The following PROSER2 variants were observed in gnomAD, a reference collection of about 807,000 sequenced individuals.
PROSER2 encodes proline and serine rich 2, also known as proline and serine-rich protein 2.
In PROSER2, 18 loss-of-function variants were observed where a neutral mutation model predicts 14.6. The observed-to-expected ratio is 1.23, with a 90% CI of 0.85 to 1.83. PROSER2 has a LOEUF of 1.83. Ranked by LOEUF, PROSER2 falls within the 40% of genes most tolerant of loss-of-function variation. The pLI, the probability that PROSER2 is intolerant of heterozygous loss-of-function variation, is 0.00. For synonymous variants in PROSER2, 367 were observed against 286.4 expected (o/e 1.28, Z -2.84); for missense variants, 823 against 629.8 (o/e 1.31, Z -3.28).
At chr10:11,851,450 C>T (rs933686943) in intron 1 of PROSER2, 2 of 152,236 alleles carry the variant, frequency 1.3e-5, no homozygotes, top group African/African-American at 2.4e-5. Flanking sequence ...TAGCTCTTGT[C>T]ACCTCCCCTC....
intron 2 of PROSER2, among the ~76,000 whole-genome samples, chr10:11,858,607 AATCAT>A (rs1301645326): frequency 6.6e-6 from 1 of 152,192 alleles, no homozygotes; most frequent in Non-Finnish European, 1.5e-5. Flanking sequence ...CTCTCTTCAA[AATCAT>A]ATCATATATA....
In PROSER2 at chr10:11,830,145, A is replaced by G. The variant is rs1211720500; in HGVS notation, c.-82+6675A>G. On this transcript the variant is annotated intron_variant, in intron 1 of 3. Coordinates refer to ENST00000277570, the MANE Select transcript of PROSER2 (RefSeq NM_153256.4). This position sits in a 1 kb window ranked among gnomAD's most constrained non-coding sequence, Gnocchi z 4.5. ...GGTGTGAGCCACTGTGCCAGCCACA[A>G]TAGGCAGTTTTTCAGCCCTCCTCTC... is the stretch of plus-strand genomic sequence containing the variant. Among the ~76,000 whole-genome samples, 1 of 152,102 alleles carries G rather than the reference A, an allele frequency of 6.6e-6. No individual in the cohort carries two copies. The highest frequency in any genetic ancestry group is 2.4e-5 in the African/African-American group (1 of 41,426).
At position 11,830,144 on chromosome 10, in the gene PROSER2, A is replaced by G. The variant is rs1833671894; in HGVS notation, c.-82+6674A>G. ...AGGTGTGAGCCACTGTGCCAGCCACAATAGGCAGTTTTTCAGCCCTCCTCT... is the reference window on the plus strand; with the variant it reads ...AGGTGTGAGCCACTGTGCCAGCCACGATAGGCAGTTTTTCAGCCCTCCTCT... On this transcript the variant is annotated intron_variant, in intron 1 of 3. Coordinates refer to ENST00000277570, the MANE Select transcript of PROSER2 (RefSeq NM_153256.4). This position sits in a 1 kb window ranked among gnomAD's most constrained non-coding sequence, Gnocchi z 4.5. Among the ~76,000 whole-genome samples, 1 of 152,088 alleles carries G rather than the reference A, an allele frequency of 6.6e-6. No homozygotes were observed. Among genetic ancestry groups the G allele is most frequent in the Non-Finnish European group, 1.5e-5 (1 of 67,998 alleles).
rs922760986 is a variant in PROSER2 at position 11,856,309 on chromosome 10, A to AC, written c.138+4099dup. Among the ~76,000 whole-genome samples, 12 of 151,588 alleles carry AC rather than the reference A, an allele frequency of 7.9e-5. No homozygotes were observed. The highest frequency in any genetic ancestry group is 2.9e-4 in the African/African-American group (12 of 41,192). On this transcript the variant is annotated intron_variant, in intron 2 of 3. Coordinates refer to ENST00000277570, the MANE Select transcript of PROSER2 (RefSeq NM_153256.4). The surrounding 1 kb of genome is among the most constrained non-coding windows in gnomAD (Gnocchi z 5.3). ...TCCAGGGCTCACCTCGTCTCACAAA[A>AC]CCCCCTGGGTGCACGGCGAGGGCAC... is the stretch of plus-strand genomic sequence containing the variant.
At position 11,845,035 on chromosome 10, in the gene PROSER2, A is replaced by G. The variant is rs76744558; in HGVS notation, c.-81-6962A>G. Reference sequence around the variant, plus strand: ...TGGGGGATTTTTGTTATTACAGACAATCCTACAGTGAATAACATTATAAGG... The same window carrying G: ...TGGGGGATTTTTGTTATTACAGACAGTCCTACAGTGAATAACATTATAAGG... On this transcript the variant is annotated intron_variant, in intron 1 of 3. Coordinates refer to ENST00000277570, the MANE Select transcript of PROSER2 (RefSeq NM_153256.4). Among the ~76,000 whole-genome samples, 1,499 of 152,304 alleles carry G rather than the reference A, an allele frequency of 9.8e-3. 22 individuals are homozygous for G. Among genetic ancestry groups the G allele is most frequent in the African/African-American group, 0.034 (1,428 of 41,566 alleles).
chr10:11,857,948 C>T (rs1401900091), intron 2 of PROSER2, among the ~76,000 whole-genome samples: 2 of 151,784 alleles, frequency 1.3e-5, no homozygotes, highest in Non-Finnish European at 2.9e-5. Context: ...TTTTTTTCCC[C>T]CCCAAGATGG....
At position 11,836,054 on chromosome 10, in the gene PROSER2, C is replaced by T. The variant is rs767257429; in HGVS notation, c.-82+12584C>T. ...GTGGCTTTATTTATTTATCTAGAGA[C>T]AGAGTCTCACTCTGTCGCCCAGGCT... is the stretch of plus-strand genomic sequence containing the variant. On this transcript the variant is annotated intron_variant, in intron 1 of 3. Transcript: ENST00000277570. This position sits in a 1 kb window ranked among gnomAD's most constrained non-coding sequence, Gnocchi z 4.6. Among the ~76,000 whole-genome samples, 9 of 152,090 alleles carry T rather than the reference C, an allele frequency of 5.9e-5. No individual in the cohort carries two copies. The highest frequency in any genetic ancestry group is 1.2e-4 in the Non-Finnish European group (8 of 68,016).
At chr10:11,829,033 C>T (rs570955485) in intron 1 of PROSER2, among the ~76,000 whole-genome samples, 3 of 152,086 alleles carry the variant, frequency 2.0e-5, no homozygotes, top group East Asian at 3.9e-4. Context: ...GTTATTATGC[C>T]GCAAGGGGTT....
chr10:11,862,118 A>G lies in PROSER2; in HGVS notation c.139-4413A>G, dbSNP rs1186438355. On this transcript the variant is annotated intron_variant, in intron 2 of 3. Coordinates refer to ENST00000277570, the MANE Select transcript of PROSER2 (RefSeq NM_153256.4). This position sits in a 1 kb window ranked among gnomAD's most constrained non-coding sequence, Gnocchi z 4.2. The stretch of plus-strand genomic sequence containing the variant: ...CACAGATGCTGCTTCTGGTCCAGAC[A>G]CCACACTTTGAGAACCACACATCTA... Among the ~76,000 whole-genome samples the G allele has an allele frequency of 1.3e-5, 2 of 152,110 alleles. No individual in the cohort carries two copies. The highest frequency in any genetic ancestry group is 2.4e-5 in the African/African-American group (1 of 41,406).
chr10:11,824,325 G>T (rs1833582241), intron 1 of PROSER2, among the ~76,000 whole-genome samples: 3 of 152,170 alleles, frequency 2.0e-5, no homozygotes, highest in Admixed American at 6.5e-5. Flanking sequence ...TTTTAACGGA[G>T]AACATTTTTT....
chr10:11,869,911 G>A lies in PROSER2; in HGVS notation c.813G>A (p.Leu271=). The stretch of plus-strand genomic sequence containing the variant: ...CGGCCCGGGAGCCCCGCAGGACCCT[G>A]TCCAGGGCGGCCGTCAGCGTGCAGG... ...NGAAREPRRT[L]SRAAVSVQER... is the part of the protein sequence containing the mutation. Residue 271 remains leucine (L), a synonymous_variant, in exon 4 of 4, where the codon CTG becomes CTA. Coordinates refer to ENST00000277570, the MANE Select transcript of PROSER2 (RefSeq NM_153256.4). This position sits in a 1 kb window ranked among gnomAD's most constrained non-coding sequence, Gnocchi z 4.4. 6.3e-7 allele frequency: 1 copy of A among 1,577,382 alleles called. No individual in the cohort carries two copies. Among genetic ancestry groups the A allele is most frequent in the South Asian group, 1.2e-5 (1 of 86,838 alleles).
In PROSER2 at chr10:11,853,992, A is replaced by G. The variant is rs151239571; in HGVS notation, c.138+1777A>G. ...CTGTCCCTGTATATCATAGGGTAGA[A>G]TAATGGAAACAGCATTGTAAAGCCC... On this transcript the variant is annotated intron_variant, in intron 2 of 3. Transcript: ENST00000277570. 1.4e-3 allele frequency among the ~76,000 whole-genome samples: 212 copies of G among 152,298 alleles called. 1 individual carries two copies. Among genetic ancestry groups the G allele is most frequent in the African/African-American group, 4.8e-3 (201 of 41,552 alleles).
At chr10:11,834,677 G>T (rs1833734337) in intron 1 of PROSER2, among the ~76,000 whole-genome samples, 1 of 152,156 alleles carries the variant, frequency 6.6e-6, no homozygotes, top group Non-Finnish European at 1.5e-5. Context: ...GGAGGTTGCA[G>T]TGAGCCAAGA....
Position 11,836,163 on chromosome 10 carries a change from C to T in PROSER2, c.-82+12693C>T, listed in dbSNP as rs547251202. Among the ~76,000 whole-genome samples the T allele has an allele frequency of 1.3e-5, 2 of 152,036 alleles. No individual in the cohort carries two copies. The highest frequency in any genetic ancestry group is 4.2e-4 in the South Asian group (2 of 4,794). Reference sequence around the variant, plus strand: ...TCTCCTGCCTCAGTCTCCCGAGTAGCTGGGATTACAGGCGTCCACCACTAT... The same window carrying T: ...TCTCCTGCCTCAGTCTCCCGAGTAGTTGGGATTACAGGCGTCCACCACTAT... On this transcript the variant is annotated intron_variant, in intron 1 of 3. Coordinates refer to ENST00000277570, the MANE Select transcript of PROSER2 (RefSeq NM_153256.4). The surrounding 1 kb of genome is among the most constrained non-coding windows in gnomAD (Gnocchi z 4.6).
Position 11,869,675 on chromosome 10 carries a change from A to T in PROSER2, c.577A>T (p.Thr193Ser). The T allele has an allele frequency of 6.3e-7, 1 of 1,598,398 alleles. No individual in the cohort carries two copies. The highest frequency in any genetic ancestry group is 1.7e-5 in the Admixed American group (1 of 58,368). Residue 193 changes from threonine to serine, a missense_variant, in exon 4 of 4, where the codon ACG becomes TCG. Thr to Ser is a moderately conservative substitution (Grantham distance 58). Transcript: ENST00000277570. The surrounding 1 kb of genome is among the most constrained non-coding windows in gnomAD (Gnocchi z 4.4). ...CCCCAGACTCCTGCGCTCTGTTCCCACGCCCCTCGTTATGGCGCAGAAGAT... is the reference window on the plus strand; with the variant it reads ...CCCCAGACTCCTGCGCTCTGTTCCCTCGCCCCTCGTTATGGCGCAGAAGAT... ...EHPRLLRSVP[T>S]PLVMAQKISE...
chr10:11,835,983 A>C (rs6602543), intron 1 of PROSER2, among the ~76,000 whole-genome samples: 36,047 of 151,946 alleles, frequency 0.24, 4,493 homozygotes, highest in South Asian at 0.32. Context: ...CAGCTTTTTG[A>C]AAAGGGCTTG....
intron 2 of PROSER2, among the ~76,000 whole-genome samples, chr10:11,859,345 A>T (rs868229417): frequency 6.6e-6 from 1 of 151,602 alleles, no homozygotes; most frequent in African/African-American, 2.4e-5. Context: ...GGGGAATTGC[A>T]TGAACCAGGA....
rs1337595968 is a variant in PROSER2, at chr10:11,838,873, T to C, written c.-81-13124T>C. On this transcript the variant is annotated intron_variant, in intron 1 of 3. Coordinates refer to ENST00000277570, the MANE Select transcript of PROSER2 (RefSeq NM_153256.4). This position sits in a 1 kb window ranked among gnomAD's most constrained non-coding sequence, Gnocchi z 4.4. ...TAGTTTAGAAGGTTTTCTTATATTC[T>C]AGCTATCAATTCCTTATACGTATTA... 1.3e-5 allele frequency among the ~76,000 whole-genome samples: 2 copies of C among 152,246 alleles called. No homozygotes were observed. The highest frequency in any genetic ancestry group is 6.5e-5 in the Admixed American group (1 of 15,284).
At chr10:11,825,281 C>T (rs548633341) in intron 1 of PROSER2, among the ~76,000 whole-genome samples, 15 of 152,316 alleles carry the variant, frequency 9.8e-5, no homozygotes, top group Non-Finnish European at 1.9e-4. Flanking sequence ...ATCTTATCTG[C>T]AGTGTTGTGG....
Sources: allele counts gnomAD v4.1 joint callset (sites outside exome capture counted in the v4.1 genomes callset), GRCh38; gene constraint gnomAD v4.1.1; non-coding constraint Gnocchi (gnomAD v3.1); transcripts MANE v1.5; gene names NCBI Gene and HGNC (gene_info 2026-07-23, HGNC 2026-07-21).